The following ALDH1L2 variants were observed in gnomAD, a reference collection of about 807,000 sequenced individuals.
ALDH1L2 encodes the protein mitochondrial 10-formyltetrahydrofolate dehydrogenase.
In ALDH1L2, 91 loss-of-function variants were observed where a neutral mutation model predicts 111.0. That is an observed-to-expected ratio of 0.82 (90% CI 0.69 to 0.98). The LOEUF (loss-of-function observed/expected upper bound fraction) is 0.98. Ranked by LOEUF, ALDH1L2 falls within the 50% of genes least tolerant of loss-of-function variation. The pLI, the probability that ALDH1L2 is intolerant of heterozygous loss-of-function variation, is 0.00. For synonymous variants in ALDH1L2, 374 were observed against 392.6 expected (o/e 0.95, Z 0.56); for missense variants, 995 against 1,126.8 (o/e 0.88, Z 1.67).
chr12:105,027,138 G>T (rs548740835), intron 21 of ALDH1L2, among the ~76,000 whole-genome samples: 1 of 152,394 alleles, frequency 6.6e-6, no homozygotes, highest in South Asian at 2.1e-4. Context: ...CCCTTGCAAA[G>T]TGTTGGGATT....
At chr12:105,071,136 G>A (rs1453907435) in intron 2 of ALDH1L2, among the ~76,000 whole-genome samples, 2 of 152,128 alleles carry the variant, frequency 1.3e-5, no homozygotes, top group African/African-American at 4.8e-5. Flanking sequence ...TAGATTTGGA[G>A]GCATGTGCCA....
At chr12:105,075,509 C>G (rs138563981) in intron 1 of ALDH1L2, among the ~76,000 whole-genome samples, 1 of 152,128 alleles carries the variant, frequency 6.6e-6, no homozygotes, top group Non-Finnish European at 1.5e-5. Context: ...TGCTTGAACC[C>G]GGGAGATAGA....
intron 22 of ALDH1L2, among the ~76,000 whole-genome samples, chr12:105,024,890 T>A (rs575407887): frequency 1.3e-5 from 2 of 152,220 alleles, no homozygotes; most frequent in Non-Finnish European, 2.9e-5. Flanking sequence ...CCATTTAAAC[T>A]AAACAGAAGT....
At chr12:105,024,903 C>A (rs930978491) in intron 22 of ALDH1L2, among the ~76,000 whole-genome samples, 14 of 152,170 alleles carry the variant, frequency 9.2e-5, no homozygotes, top group Admixed American at 8.5e-4. Flanking sequence ...ACAGAAGTAA[C>A]CAGGATACTG....
chr12:105,026,610 T>C lies in ALDH1L2; in HGVS notation c.2651A>G (p.Tyr884Cys), dbSNP rs1374676075. 1.2e-5 allele frequency: 20 copies of C among 1,614,076 alleles called. No homozygotes were observed. Among genetic ancestry groups the C allele is most frequent in the Non-Finnish European group, 1.5e-5 (18 of 1,180,026 alleles). Residue 884 changes from tyrosine to cysteine, a missense_variant, in exon 22 of 23, where the codon TAC (tyrosine) becomes TGC (cysteine). By Grantham distance (194) the Tyr-to-Cys change is radical (BLOSUM62 -2). Transcript: ENST00000258494. Reference protein sequence around the residue: ...LEAGTVFINTYNKTDVAAPFG... With the variant: ...LEAGTVFINTCNKTDVAAPFG... ...TGGGGCCGCCACATCTGTCTTGTTG[T>C]ATGTGTTAATAAAAACAGTTCCTGC...
chr12:105,048,369 T>C (rs1440282190), intron 13 of ALDH1L2: 2 of 152,224 alleles, frequency 1.3e-5, no homozygotes, highest in African/African-American at 4.8e-5. Flanking sequence ...CAGCAATGTA[T>C]GCAGATGAAA....
intron 17 of ALDH1L2, 89 bp from the exon 18 acceptor site, chr12:105,038,291 C>A (rs201189631): frequency 0.12 from 46,325 of 392,652 alleles, 1,763 homozygotes; most frequent in South Asian, 0.24. Flanking sequence ...CACACACACA[C>A]ACACACACAC....
Position 105,050,057 on chromosome 12 carries a change from G to A in ALDH1L2, c.1537C>T (p.Leu513Phe). ...TGGTTCTCTTCCAGTAGGTCTGCAAGTCTGTGTGGTCAGTGAAAGAAATAA... is the reference window on the plus strand; with the variant it reads ...TGGTTCTCTTCCAGTAGGTCTGCAAATCTGTGTGGTCAGTGAAAGAAATAA... ...ARERGRLMYR[L>F]ADLLEENQEE... The change falls in exon 13 of 23, where the codon CTT (leucine) becomes TTT (phenylalanine). Residue 513 changes from leucine (L) to phenylalanine (F), a missense_variant and splice_region_variant. Physicochemically the swap from Leu to Phe is conservative, Grantham distance 22. Coordinates refer to ENST00000258494, the MANE Select transcript of ALDH1L2 (RefSeq NM_001034173.4). 1 of 1,582,348 alleles carries A rather than the reference G, an allele frequency of 6.3e-7. No homozygotes were observed. The highest frequency in any genetic ancestry group is 8.6e-7 in the Non-Finnish European group (1 of 1,165,540).
intron 1 of ALDH1L2, among the ~76,000 whole-genome samples, chr12:105,080,418 T>A (rs1214658761): frequency 6.6e-6 from 1 of 152,230 alleles, no homozygotes; most frequent in East Asian, 1.9e-4. Context: ...AGTTAGTGTA[T>A]TATGTATTAT....
In ALDH1L2 at chr12:105,023,811, A is replaced by G. The variant is rs1260019434; in HGVS notation, c.*613T>C. 3 of 152,204 alleles carry G rather than the reference A, an allele frequency of 2.0e-5. No homozygotes were observed. Among genetic ancestry groups the G allele is most frequent in the Admixed American group, 2.0e-4 (3 of 15,276 alleles). The allele number at this position is 152,204 out of a possible 1,614,324, so 9.4% of individuals were successfully genotyped here. A position where few individuals can be genotyped will look rare whatever the true frequency, so the allele number is the denominator to read the frequency against. ...TGGGGGCCAGCCATCATATCATTAAATTCTCTATACTCCTCAGAACATAAT... is the reference window on the plus strand; with the variant it reads ...TGGGGGCCAGCCATCATATCATTAAGTTCTCTATACTCCTCAGAACATAAT... On this transcript the variant is annotated 3_prime_UTR_variant, in exon 23 of 23. Coordinates refer to ENST00000258494, the MANE Select transcript of ALDH1L2 (RefSeq NM_001034173.4).
rs943707902 is a variant in ALDH1L2, at chr12:105,020,851, A to C, written c.*3573T>G. The C allele has an allele frequency of 1.3e-5, 2 of 152,236 alleles. No homozygotes were observed. The highest frequency in any genetic ancestry group is 6.5e-5 in the Admixed American group (1 of 15,274). 9.4% of individuals were successfully genotyped at this position (152,236 alleles called of 1,614,324 possible). A position where few individuals can be genotyped will look rare whatever the true frequency, so the allele number is the denominator to read the frequency against. On this transcript the variant is annotated 3_prime_UTR_variant, in exon 23 of 23. Transcript: ENST00000258494. Reference sequence around the variant, plus strand: ...GTTCTGATGGCATGCATCTCTTCCCAAACTCTGTATTCAGTGAAGGCAAAT... The same window carrying C: ...GTTCTGATGGCATGCATCTCTTCCCCAACTCTGTATTCAGTGAAGGCAAAT...
intron 21 of ALDH1L2, among the ~76,000 whole-genome samples, chr12:105,027,902 TC>T (rs1480819084): frequency 2.0e-5 from 3 of 152,182 alleles, no homozygotes; most frequent in African/African-American, 7.2e-5. Context: ...ATGTGCTTAT[TC>T]AACAAAATAG....
At chr12:105,081,140 G>A (rs914427898) in intron 1 of ALDH1L2, among the ~76,000 whole-genome samples, 3 of 152,144 alleles carry the variant, frequency 2.0e-5, no homozygotes, top group African/African-American at 7.2e-5. Context: ...TAAGGGACTT[G>A]AACATCTTCA....
intron 1 of ALDH1L2, among the ~76,000 whole-genome samples, chr12:105,080,125 TG>T (rs1183538415): frequency 6.6e-6 from 1 of 152,256 alleles, no homozygotes; most frequent in Non-Finnish European, 1.5e-5. Context: ...CCTGTGCCCA[TG>T]TAGAAGTATT....
intron 12 of ALDH1L2, 140 bp downstream of exon 12, chr12:105,051,950 G>A (rs1592785234): frequency 5.3e-6 from 4 of 748,596 alleles, no homozygotes; most frequent in East Asian, 4.2e-5. Flanking sequence ...ACTCACGCCT[G>A]TAATCCCAGC....
chr12:105,029,229 T>TACAG (rs1280346655), intron 21 of ALDH1L2, among the ~76,000 whole-genome samples: 1 of 152,188 alleles, frequency 6.6e-6, no homozygotes, highest in African/African-American at 2.4e-5. Flanking sequence ...ACAGGGTCTT[T>TACAG]GTTGCCCAGG....
At position 105,038,241 on chromosome 12, in the gene ALDH1L2, A is replaced by ATC. The variant is rs112805543; in HGVS notation, c.2046-41_2046-40dup. The stretch of plus-strand genomic sequence containing the variant: ...AATGAGAAATGAGCATTTAGTTAAC[A>ATC]TCTCTCTCTCTCTCTCTCTCACACA... On this transcript the variant is annotated intron_variant, in intron 17 of 22. Coordinates refer to ENST00000258494, the MANE Select transcript of ALDH1L2 (RefSeq NM_001034173.4). 319 of 909,374 alleles carry ATC rather than the reference A, an allele frequency of 3.5e-4. 2 individuals are homozygous for ATC. The highest frequency in any genetic ancestry group is 1.1e-3 in the Middle Eastern group (5 of 4,362). The allele number at this position is 909,374 out of a possible 1,614,324, so 56.3% of individuals were successfully genotyped here.
In ALDH1L2 at chr12:105,021,129, G is replaced by A. The variant is rs937167135; in HGVS notation, c.*3295C>T. The A allele has an allele frequency of 2.0e-5, 3 of 152,388 alleles. No homozygotes were observed. Among genetic ancestry groups the A allele is most frequent in the Non-Finnish European group, 4.4e-5 (3 of 68,174 alleles). The allele number at this position is 152,388 out of a possible 1,614,324, so 9.4% of individuals were successfully genotyped here. ...CAGGAGATGAGGTCAGAGGTAGCTA[G>A]GAGCAAGATCAGTAGGCCAGGTAAA... On this transcript the variant is annotated 3_prime_UTR_variant, in exon 23 of 23. Coordinates refer to ENST00000258494, the MANE Select transcript of ALDH1L2 (RefSeq NM_001034173.4).
At chr12:105,076,724 CTAT>C (rs2136113087) in intron 1 of ALDH1L2, among the ~76,000 whole-genome samples, 1 of 152,204 alleles carries the variant, frequency 6.6e-6, no homozygotes, top group South Asian at 2.1e-4. Flanking sequence ...TAAATGTTAC[CTAT>C]TATTATTATC....
Sources: allele counts gnomAD v4.1 joint callset (sites outside exome capture counted in the v4.1 genomes callset), GRCh38; gene constraint gnomAD v4.1.1; transcripts MANE v1.5; gene names NCBI Gene and HGNC (gene_info 2026-07-23, HGNC 2026-07-21).